Variants in AHNAK observed in about 807,000 individuals in gnomAD.
The protein encoded by AHNAK is neuroblast differentiation-associated protein AHNAK.
AHNAK carries 23 observed loss-of-function variants against 37.8 expected under a neutral mutation model. That is an observed-to-expected ratio of 0.61 (90% CI 0.44 to 0.86). The LOEUF is 0.86. AHNAK is among the 40% of genes least tolerant of loss of function. The pLI, the probability that AHNAK is intolerant of heterozygous loss-of-function variation, is 0.00. For synonymous variants in AHNAK, 2,481 were observed against 2,636.3 expected (o/e 0.94, Z 1.80); for missense variants, 7,411 against 7,319.4 (o/e 1.01, Z -0.46).
intron 5 of AHNAK, among the ~76,000 whole-genome samples, chr11:62,450,755 C>T (rs1176003078): frequency 6.6e-6 from 1 of 152,260 alleles, no homozygotes; most frequent in African/African-American, 2.4e-5. Context: ...CAGCCAATAG[C>T]CCTAGGCCCA....
At chr11:62,467,481 T>A (rs1162116696) in intron 5 of AHNAK, among the ~76,000 whole-genome samples, 1 of 152,162 alleles carries the variant, frequency 6.6e-6, no homozygotes, top group East Asian at 1.9e-4. Context: ...GGTCAGGAGT[T>A]TGAGACCAGC....
intron 5 of AHNAK, among the ~76,000 whole-genome samples, chr11:62,475,661 G>C (rs1249217675): frequency 1.4e-5 from 2 of 138,318 alleles, no homozygotes; most frequent in African/African-American, 5.7e-5. Flanking sequence ...CCAGAGTGCA[G>C]TGGCGCGATC....
At chr11:62,441,279 G>A (rs1938300112) in intron 5 of AHNAK, among the ~76,000 whole-genome samples, 1 of 151,714 alleles carries the variant, frequency 6.6e-6, no homozygotes. Flanking sequence ...TGGGATTACA[G>A]GTGTGAGCCA....
At chr11:62,540,097 T>G (rs2134262634) in intron 1 of AHNAK, among the ~76,000 whole-genome samples, 1 of 152,332 alleles carries the variant, frequency 6.6e-6, no homozygotes, top group South Asian at 2.1e-4. Flanking sequence ...GGCTCTGCCC[T>G]GTTGCTAGCC....
intron 5 of AHNAK, among the ~76,000 whole-genome samples, chr11:62,473,327 T>C (rs993803844): frequency 2.9e-5 from 4 of 137,492 alleles, no homozygotes; most frequent in African/African-American, 5.4e-5. Context: ...AACTCAGAGG[T>C]TGCAGTGAGC....
At chr11:62,480,622 T>C (rs1273507596) in intron 5 of AHNAK, among the ~76,000 whole-genome samples, 2 of 150,246 alleles carry the variant, frequency 1.3e-5, no homozygotes, top group Admixed American at 6.7e-5. Flanking sequence ...GATTGCGCCA[T>C]TGCACTCCAG....
chr11:62,450,450 C>T (rs1938512456), intron 5 of AHNAK, among the ~76,000 whole-genome samples: 1 of 152,148 alleles, frequency 6.6e-6, no homozygotes, highest in Non-Finnish European at 1.5e-5. Flanking sequence ...GCCTTGGCCC[C>T]CCAAAGTACT....
intron 5 of AHNAK, among the ~76,000 whole-genome samples, chr11:62,481,147 C>T (rs1393490461): frequency 1.3e-5 from 2 of 151,106 alleles, no homozygotes; most frequent in Non-Finnish European, 2.9e-5. Context: ...CACTTGTTGC[C>T]CAGACTGGAG....
At chr11:62,482,404 G>A (rs1939293955) in intron 5 of AHNAK, among the ~76,000 whole-genome samples, 1 of 64,262 alleles carries the variant, frequency 1.6e-5, no homozygotes, top group African/African-American at 6.9e-5. Context: ...GACAGAGCGA[G>A]ACTGTCTCAA....
At chr11:62,475,242 GC>G (rs1590612277) in intron 5 of AHNAK, among the ~76,000 whole-genome samples, 1 of 152,198 alleles carries the variant, frequency 6.6e-6, no homozygotes, top group Non-Finnish European at 1.5e-5. Context: ...GGCAGAGGTT[GC>G]AGTGAGCCGA....
intron 5 of AHNAK, among the ~76,000 whole-genome samples, chr11:62,442,267 C>T (rs565427221): frequency 7.2e-5 from 11 of 152,076 alleles, no homozygotes; most frequent in Non-Finnish European, 1.0e-4. Context: ...TCTTTAGGGC[C>T]GGGCACAGCA....
chr11:62,521,936 G>A lies in AHNAK; in HGVS notation c.12481C>T (p.Pro4161Ser), dbSNP rs1024085513. The A allele has an allele frequency of 6.2e-7, 1 of 1,613,098 alleles. No individual in the cohort carries two copies. The highest frequency in any genetic ancestry group is 8.5e-7 in the Non-Finnish European group (1 of 1,179,796). ...TTGGGGCCCTTGATGTCAACTTCAG[G>A]GCCCTTGAGGTCGCCTTCCACTTTG... ...LPKVEGDLKG[P>S]EVDIKGPKVD... The change falls in exon 5 of 5, where the codon CCT (proline) becomes TCT (serine). Residue 4161 changes from proline to serine, a missense_variant. Coordinates refer to ENST00000378024, the MANE Select transcript of AHNAK (RefSeq NM_001620.3).
chr11:62,494,536 G>C (rs1358300309), intron 4 of AHNAK, among the ~76,000 whole-genome samples: 2 of 151,952 alleles, frequency 1.3e-5, no homozygotes, highest in Non-Finnish European at 2.9e-5. Context: ...GAAGTACAGA[G>C]AGCTTAAATA....
intron 5 of AHNAK, among the ~76,000 whole-genome samples, chr11:62,491,186 C>A (rs1939499397): frequency 6.6e-6 from 1 of 152,164 alleles, no homozygotes; most frequent in African/African-American, 2.4e-5. Context: ...GCCAATGACC[C>A]CTCCACGTAG....
At chr11:62,443,631 C>G (rs981298472) in intron 5 of AHNAK, among the ~76,000 whole-genome samples, 8 of 152,040 alleles carry the variant, frequency 5.3e-5, no homozygotes, top group Non-Finnish European at 8.8e-5. Context: ...CTGTGCAGCC[C>G]CTCACTCACC....
In AHNAK at chr11:62,445,900, C is replaced by T. The variant is rs1229596999; in HGVS notation, c.443-12009G>A. Among the ~76,000 whole-genome samples, 9 of 151,488 alleles carry T rather than the reference C, an allele frequency of 5.9e-5. No homozygotes were observed. The East Asian group carries it at 1.8e-3, about 30-fold the overall frequency. The stretch of plus-strand genomic sequence containing the variant: ...GCGTGGTAGCGGGTGCCTGTAGTCC[C>T]AACTACTCAGGAGGCTGAGGCAGGA... On this transcript the variant is annotated intron_variant, in intron 5 of 5. Coordinates refer to the AHNAK transcript ENST00000257247.
At position 62,532,479 on chromosome 11, in the gene AHNAK, T is replaced by C. The variant is rs753496356; in HGVS notation, c.1938A>G (p.Pro646=). 18 of 1,613,972 alleles carry C rather than the reference T, an allele frequency of 1.1e-5. No homozygotes were observed. The highest frequency in any genetic ancestry group is 1.4e-5 in the Non-Finnish European group (17 of 1,180,016). The change falls in exon 5 of 5, where the codon CCA becomes CCG. Residue 646 remains proline, a synonymous_variant. Coordinates refer to ENST00000378024, the MANE Select transcript of AHNAK (RefSeq NM_001620.3). The stretch of plus-strand genomic sequence containing the variant: ...CTTTGGGTAGAGTCATATGAACATC[T>C]GGACCTTCCCCTTTGGCTCCTGGAG... ...FSTPGAKGEG[P]DVHMTLPKGD... is the part of the protein sequence containing the mutation.
intron 5 of AHNAK, among the ~76,000 whole-genome samples, chr11:62,488,337 T>G (rs895076792): frequency 6.6e-6 from 1 of 150,838 alleles, no homozygotes; most frequent in African/African-American, 2.4e-5. Context: ...CAAAGAGCAA[T>G]AGAGAAATGG....
In AHNAK at chr11:62,531,467, C is replaced by G. The variant is rs1042666071; in HGVS notation, c.2950G>C (p.Ala984Pro). 3 of 1,614,124 alleles carry G rather than the reference C, an allele frequency of 1.9e-6. No individual in the cohort carries two copies. In the Admixed American group the frequency reaches 5.0e-5, roughly 27 times the overall value. Residue 984 changes from alanine (A) to proline (P), a missense_variant, in exon 5 of 5, where the codon GCC becomes CCC. Transcript: ENST00000378024. The stretch of plus-strand genomic sequence containing the variant: ...GGACCCTGCATTTCAACATCTGGGG[C>G]ACTGACATCTACTTTTGGGCCTTTC... ...DLKGPKVDVSAPDVEMQGPDW... is the reference protein window; with the variant it reads ...DLKGPKVDVSPPDVEMQGPDW...
Sources: gnomAD v4.1 joint callset for allele counts (sites outside exome capture counted in the v4.1 genomes callset) on GRCh38, gnomAD v4.1.1 for gene constraint, MANE v1.5 for transcripts, NCBI Gene and HGNC (gene_info 2026-07-23, HGNC 2026-07-21) for gene names.